PACS1: variants seen among roughly 807,000 people sequenced by gnomAD.
The protein encoded by PACS1 is PACS-1.
PACS1 carries 24 observed loss-of-function variants against 115.0 expected under a neutral mutation model. The observed-to-expected ratio is 0.21, with a 90% confidence interval of 0.15 to 0.29. PACS1 has a LOEUF of 0.29. Ranked by LOEUF, PACS1 falls within the 10% of genes least tolerant of loss-of-function variation. The probability of loss-of-function intolerance (pLI) is 1.00; values close to 1 mark genes in which losing one functional copy is unlikely to be tolerated. For synonymous variants in PACS1, 453 were observed against 504.5 expected (o/e 0.90, Z 1.37); for missense variants, 838 against 1,251.2 (o/e 0.67, Z 4.98).
chr11:66,096,857 C>T (rs1857796930), intron 1 of PACS1, among the ~76,000 whole-genome samples: 3 of 150,698 alleles, frequency 2.0e-5, no homozygotes, highest in Admixed American at 2.0e-4. Flanking sequence ...ATTTCTCCCT[C>T]TCTCTCTCTT....
chr11:66,222,379 G>A (rs1482104849), intron 10 of PACS1, among the ~76,000 whole-genome samples: 1 of 152,172 alleles, frequency 6.6e-6, no homozygotes, highest in Non-Finnish European at 1.5e-5. Flanking sequence ...GGGAAAAGGG[G>A]GCATGTACTG....
chr11:66,194,716 A>G (rs1309648783), intron 2 of PACS1, among the ~76,000 whole-genome samples: 1 of 152,068 alleles, frequency 6.6e-6, no homozygotes, highest in African/African-American at 2.4e-5. Flanking sequence ...CTGAATTCTT[A>G]TTCATTGAAA....
intron 1 of PACS1, among the ~76,000 whole-genome samples, chr11:66,140,707 TATTA>T (rs1231060927): frequency 6.6e-6 from 1 of 152,198 alleles, no homozygotes; most frequent in Non-Finnish European, 1.5e-5. Context: ...AAAAGTACTT[TATTA>T]GTTTCTTGTG....
intron 1 of PACS1, among the ~76,000 whole-genome samples, chr11:66,181,266 C>T (rs773848968): frequency 6.6e-6 from 1 of 150,986 alleles, no homozygotes; most frequent in Admixed American, 6.6e-5. Context: ...GGCTGGAGTG[C>T]AGTGTCGGGA....
intron 1 of PACS1, among the ~76,000 whole-genome samples, chr11:66,081,437 A>G (rs1480195175): frequency 7.0e-6 from 1 of 142,320 alleles, no homozygotes; most frequent in Non-Finnish European, 1.6e-5. Context: ...AACCAAAACA[A>G]AACAAACAAA....
chr11:66,171,769 C>T (rs111777059), intron 1 of PACS1, among the ~76,000 whole-genome samples: 2 of 149,522 alleles, frequency 1.3e-5, no homozygotes, highest in Admixed American at 1.3e-4. Flanking sequence ...TTAGTAGAGA[C>T]GGGGTTTCAC....
chr11:66,156,786 G>A (rs1198689338), intron 1 of PACS1, among the ~76,000 whole-genome samples: 13 of 151,714 alleles, frequency 8.6e-5, no homozygotes, highest in Admixed American at 7.9e-4. Context: ...CCTGGGAGGC[G>A]GAGCTTGCGC....
chr11:66,080,325 G>A (rs1199995186), intron 1 of PACS1, among the ~76,000 whole-genome samples: 1 of 152,134 alleles, frequency 6.6e-6, no homozygotes, highest in Non-Finnish European at 1.5e-5. Flanking sequence ...TTTCTGGTGG[G>A]GGTGACAGAT....
At chr11:66,151,649 A>G (rs1161228048) in intron 1 of PACS1, among the ~76,000 whole-genome samples, 1 of 152,220 alleles carries the variant, frequency 6.6e-6, no homozygotes, top group Non-Finnish European at 1.5e-5. Flanking sequence ...TAGAATCCAG[A>G]GTTGCTATAA....
chr11:66,115,598 A>C lies in PACS1; in HGVS notation c.356+44756A>C, dbSNP rs184980655. On this transcript the variant is annotated intron_variant, in intron 1 of 23. Transcript: ENST00000320580. ...TCAAAACCCCACATGAGGTAAGTATATTTCTTCAGCCCTGCTTTTCAGCAA... is the reference window on the plus strand; with the variant it reads ...TCAAAACCCCACATGAGGTAAGTATCTTTCTTCAGCCCTGCTTTTCAGCAA... 2.0e-5 allele frequency among the ~76,000 whole-genome samples: 3 copies of C among 152,246 alleles called. No homozygotes were observed. The South Asian group carries it at 6.2e-4, about 31-fold the overall frequency.
rs192185188 is a variant in PACS1 at position 66,219,308 on chromosome 11, G to A, written c.979-438G>A. ...ACTCCAGGCGTAGATGTTGGTTCAG[G>A]TGTGTTGGCGACATCAGTAAGAGGA... On this transcript the variant is annotated intron_variant, in intron 7 of 23. Coordinates refer to ENST00000320580, the MANE Select transcript of PACS1 (RefSeq NM_018026.4). Among the ~76,000 whole-genome samples, 154 of 152,066 alleles carry A rather than the reference G, an allele frequency of 1.0e-3. 1 individual carries two copies. The highest frequency in any genetic ancestry group is 3.4e-3 in the African/African-American group (139 of 41,470).
intron 1 of PACS1, among the ~76,000 whole-genome samples, chr11:66,142,698 A>G (rs1372836512): frequency 6.6e-6 from 1 of 151,820 alleles, no homozygotes; most frequent in Non-Finnish European, 1.5e-5. Context: ...TTTAAGCTGA[A>G]TGGGAGTGGG....
chr11:66,137,710 T>C (rs1241858391), intron 1 of PACS1, among the ~76,000 whole-genome samples: 3 of 152,208 alleles, frequency 2.0e-5, no homozygotes, highest in Middle Eastern at 3.2e-3. Context: ...TGTAGGGCTG[T>C]CCTTTGGACT....
intron 1 of PACS1, among the ~76,000 whole-genome samples, chr11:66,136,323 TCA>T (rs61577143): frequency 0.014 from 1,996 of 145,818 alleles, 33 homozygotes; most frequent in African/African-American, 0.026. Flanking sequence ...AATCCCACTG[TCA>T]CACACACACA....
Position 66,233,990 on chromosome 11 carries a change from A to G in PACS1, c.1993+51A>G. The stretch of plus-strand genomic sequence containing the variant: ...CGTCGGGCATGAGGGTTCCATAGAC[A>G]GATGCCTCATCTGGAACAGGACGGT... On this transcript the variant is annotated intron_variant, in intron 16 of 23. Transcript: ENST00000320580. The surrounding 1 kb of genome is among the most constrained non-coding windows in gnomAD (Gnocchi z 4.5). The G allele has an allele frequency of 1.3e-6, 2 of 1,569,596 alleles. No individual in the cohort carries two copies. The highest frequency in any genetic ancestry group is 1.7e-6 in the Non-Finnish European group (2 of 1,153,536).
Position 66,233,128 on chromosome 11 carries a change from C to A in PACS1, c.1838+62C>A. 1.6e-6 allele frequency: 2 copies of A among 1,265,034 alleles called. No individual in the cohort carries two copies. Among genetic ancestry groups the A allele is most frequent in the Non-Finnish European group, 2.3e-6 (2 of 878,416 alleles). 78.4% of individuals were successfully genotyped at this position (1,265,034 alleles called of 1,614,324 possible). On this transcript the variant is annotated intron_variant, in intron 15 of 23. Coordinates refer to ENST00000320580, the MANE Select transcript of PACS1 (RefSeq NM_018026.4). This position sits in a 1 kb window ranked among gnomAD's most constrained non-coding sequence, Gnocchi z 4.5. Reference sequence around the variant, plus strand: ...ATTCCCTCTGACCTCATCTTCCAACCCTGACTTCTAAGCAATGATAGACCC... The same window carrying A: ...ATTCCCTCTGACCTCATCTTCCAACACTGACTTCTAAGCAATGATAGACCC...
chr11:66,179,518 T>A (rs892296246), intron 1 of PACS1, among the ~76,000 whole-genome samples: 2 of 152,132 alleles, frequency 1.3e-5, no homozygotes, highest in Non-Finnish European at 2.9e-5. Context: ...TAACTGGCAC[T>A]TTTGCAGGGG....
chr11:66,234,621 C>A (rs890628996), intron 17 of PACS1, among the ~76,000 whole-genome samples: 2 of 152,150 alleles, frequency 1.3e-5, no homozygotes, highest in Admixed American at 1.3e-4. Flanking sequence ...TCTTGAATAT[C>A]AAATAAAGGT....
rs1163063585 is a variant in PACS1, at chr11:66,230,674, T to C, written c.1490+11T>C. 2.5e-6 allele frequency: 4 copies of C among 1,610,836 alleles called. No homozygotes were observed. The highest frequency in any genetic ancestry group is 1.1e-5 in the South Asian group (1 of 91,028). ...CTCTGCCTCCCCCAGGTACTGCAGA[T>C]GGAAAGGAAGCAGGGGGTACAGCCT... On this transcript the variant is annotated intron_variant, in intron 12 of 23. Transcript: ENST00000320580.
Sources: allele counts gnomAD v4.1 joint callset (sites outside exome capture counted in the v4.1 genomes callset), GRCh38; gene constraint gnomAD v4.1.1; non-coding constraint Gnocchi (gnomAD v3.1); transcripts MANE v1.5; gene names NCBI Gene and HGNC (gene_info 2026-07-23, HGNC 2026-07-21).